The following TSC1 variants were observed in gnomAD, a reference collection of about 807,000 sequenced individuals.
TSC1 encodes the protein hamartin.
Under a neutral mutation model 124.3 loss-of-function variants are expected in TSC1, and 20 were observed. The observed-to-expected ratio is 0.16, with a 90% CI of 0.11 to 0.23. The LOEUF (loss-of-function observed/expected upper bound fraction) is 0.23. Among genes scored for constraint, TSC1 ranks in the 10% least tolerant of loss-of-function variants. TSC1 has a pLI of 1.00. For synonymous variants in TSC1, 493 were observed against 539.1 expected, an observed-to-expected ratio of 0.91 and a Z score of 1.19; for missense variants, 1,124 against 1,448.5, an observed-to-expected ratio of 0.78 and a Z score of 3.64.
At chr9:132,944,105 C>G (rs968215147) in intron 1 of TSC1, 1 of 153,818 alleles carries the variant, frequency 6.5e-6, no homozygotes, top group African/African-American at 2.4e-5. Flanking sequence ...TATACCCCGA[C>G]CCCTCTCTTT....
Position 132,910,641 on chromosome 9 carries a change from G to A in TSC1, c.1193C>T (p.Ala398Val), listed in dbSNP as rs918660416. The A allele has an allele frequency of 6.2e-7, 1 of 1,614,020 alleles. No homozygotes were observed. Among genetic ancestry groups the A allele is most frequent in the African/African-American group, 1.3e-5 (1 of 74,924 alleles). Residue 398 changes from alanine to valine, a missense_variant, in exon 12 of 23, where the codon GCC becomes GTC. This residue lies in a region of TSC1 where 463 missense variants were observed against 606.8 expected (regional missense o/e 0.76). Transcript: ENST00000298552. ...LGTPATSPPP[A>V]PLCHSDDYVH... ...GTAGTCATCCGAATGACAGAGTGGG[G>A]CTGGAGGAGGAGAGGTTGCTGGGGT...
In TSC1 at chr9:132,912,312, T is replaced by C. The variant is rs1588326679; in HGVS notation, c.883A>G (p.Ser295Gly). Residue 295 changes from serine (S) to glycine (G), a missense_variant, in exon 9 of 23, where the codon AGC becomes GGC. Coordinates refer to ENST00000298552, the MANE Select transcript of TSC1 (RefSeq NM_000368.5). Reference protein sequence around the residue: ...FPHRSADVTTSPYADTQNSYG... With the variant: ...FPHRSADVTTGPYADTQNSYG... ...CTATTCTGTGTGTCAGCATAAGGGC[T>C]GGTGGTGACATCGGCTGAACGATGA... 3.1e-6 allele frequency: 5 copies of C among 1,614,180 alleles called. No individual in the cohort carries two copies. In the East Asian group the frequency reaches 1.1e-4, roughly 36 times the overall value.
At chr9:132,911,283 G>A in intron 10 of TSC1, 170 bp from the exon 11 acceptor site, 1 of 806,182 alleles carries the variant, frequency 1.2e-6, no homozygotes. Context: ...AAGACTTCAA[G>A]ATGAATCTAA....
rs397514846 is a variant in TSC1, at chr9:132,905,819, T to C, written c.1759A>G (p.Lys587Glu). The C allele has an allele frequency of 6.2e-7, 1 of 1,614,212 alleles. No homozygotes were observed. The highest frequency in any genetic ancestry group is 8.5e-7 in the Non-Finnish European group (1 of 1,180,036). The part of the protein sequence containing the change: ...ETSIFTPSPC[K>E]IPPPTRVGFG... ...CCCACTCTCGTCGGAGGTGGAATTT[T>C]ACAAGGACTGGGAGTGAAGATACTG... The change falls in exon 15 of 23, where the codon AAA becomes GAA. Residue 587 changes from lysine (K) to glutamate (E), a missense_variant. By Grantham distance (56) the Lys-to-Glu change is moderately conservative (BLOSUM62 1). Around this residue, in one of 5 missense-constraint regions of TSC1, gnomAD observed 321 missense variants for 397.4 expected, o/e 0.81. Coordinates refer to ENST00000298552, the MANE Select transcript of TSC1 (RefSeq NM_000368.5).
intron 1 of TSC1, chr9:132,942,372 C>G (rs541664146): frequency 5.3e-5 from 8 of 152,332 alleles, no homozygotes; most frequent in African/African-American, 1.9e-4. Flanking sequence ...ATCTGTACAT[C>G]AAGGTTCTCA....
At chr9:132,942,566 C>T (rs1029094289) in intron 1 of TSC1, 3 of 152,194 alleles carry the variant, frequency 2.0e-5, no homozygotes, top group Admixed American at 2.0e-4. Flanking sequence ...TTACTCTTAA[C>T]CCAGTGAGGA....
Position 132,921,711 on chromosome 9 carries a change from T to C in TSC1, c.663+108A>G, listed in dbSNP as rs1846564319. ...GGATTGGAGTGGCGAGGAAGAAAAC[T>C]GAATTTCTTTTCAAAATTTCCCTGT... On this transcript the variant is annotated intron_variant, in intron 7 of 22. Transcript: ENST00000298552. The surrounding 1 kb of genome is among the most constrained non-coding windows in gnomAD (Gnocchi z 4.3). The C allele has an allele frequency of 1.4e-6, 2 of 1,464,478 alleles. No individual in the cohort carries two copies. Among genetic ancestry groups the C allele is most frequent in the African/African-American group, 1.4e-5 (1 of 71,970 alleles). 90.7% of individuals were successfully genotyped at this position (1,464,478 alleles called of 1,614,324 possible).
rs1288067331 is a variant in TSC1, at chr9:132,921,279, A to C, written c.737+84T>G. The C allele has an allele frequency of 7.0e-7, 1 of 1,429,734 alleles. No individual in the cohort carries two copies. Among genetic ancestry groups the C allele is most frequent in the Non-Finnish European group, 9.8e-7 (1 of 1,022,894 alleles). The allele number at this position is 1,429,734 out of a possible 1,614,324, so 88.6% of individuals were successfully genotyped here. On this transcript the variant is annotated intron_variant, in intron 8 of 22. Transcript: ENST00000298552. This position sits in a 1 kb window ranked among gnomAD's most constrained non-coding sequence, Gnocchi z 4.3. ...GTAAGTAGAACATCTATATTCCCAA[A>C]TATACCTCAACAGGGATTACCTCCT...
chr9:132,911,845 C>G (rs987736564), intron 9 of TSC1, among the ~76,000 whole-genome samples: 2 of 152,104 alleles, frequency 1.3e-5, no homozygotes. Context: ...ATACAGATGA[C>G]AACTTCAGTG....
intron 20 of TSC1, 55 bp downstream of exon 20, chr9:132,900,660 G>C (rs1486071463): frequency 1.2e-6 from 2 of 1,611,344 alleles, no homozygotes; most frequent in South Asian, 1.1e-5. Flanking sequence ...GAGACATACT[G>C]TCTGGGTCTG....
At chr9:132,898,236 A>G (rs1164909441) in intron 20 of TSC1, among the ~76,000 whole-genome samples, 2 of 152,220 alleles carry the variant, frequency 1.3e-5, no homozygotes, top group Non-Finnish European at 2.9e-5. Context: ...ATGCCCTGAC[A>G]AGGTTTGTTG....
At position 132,906,183 on chromosome 9, in the gene TSC1, C is replaced by A. The variant is rs2131853057; in HGVS notation, c.1439-44G>T. On this transcript the variant is annotated intron_variant, in intron 14 of 22. Transcript: ENST00000298552. The surrounding 1 kb of genome is among the most constrained non-coding windows in gnomAD (Gnocchi z 4.1). ...ACAAAAGAAATGGCAGTCGGTATTCCACCTGGGAAAGACTAGGCAGTTTGG... is the reference window on the plus strand; with the variant it reads ...ACAAAAGAAATGGCAGTCGGTATTCAACCTGGGAAAGACTAGGCAGTTTGG... 3 of 1,590,580 alleles carry A rather than the reference C, an allele frequency of 1.9e-6. No homozygotes were observed. The East Asian group carries it at 6.7e-5, about 36-fold the overall frequency.
intron 1 of TSC1, chr9:132,940,801 T>C (rs984708793): frequency 3.3e-5 from 5 of 152,210 alleles, no homozygotes; most frequent in Non-Finnish European, 7.3e-5. Context: ...GCTGGGTACA[T>C]AATGCTTAGC....
chr9:132,896,112 C>T lies in TSC1; in HGVS notation c.*123G>A, dbSNP rs1397282007. ...TTCAGTCAGCTGTCCAAAGGACCTC[C>T]GTCCCATTTCCACACATGAACTTGC... On this transcript the variant is annotated 3_prime_UTR_variant, in exon 23 of 23. Transcript: ENST00000298552. This position sits in a 1 kb window ranked among gnomAD's most constrained non-coding sequence, Gnocchi z 4.5. 1.0e-5 allele frequency: 15 copies of T among 1,438,472 alleles called. No homozygotes were observed. Among genetic ancestry groups the T allele is most frequent in the Non-Finnish European group, 2.9e-6 (3 of 1,033,104 alleles). The allele number at this position is 1,438,472 out of a possible 1,614,324, so 89.1% of individuals were successfully genotyped here.
At chr9:132,898,528 A>C (rs1588293167) in intron 20 of TSC1, among the ~76,000 whole-genome samples, 2 of 152,218 alleles carry the variant, frequency 1.3e-5, no homozygotes, top group Non-Finnish European at 1.5e-5. Flanking sequence ...CTTGTTATAG[A>C]ACGCAACTGA....
At position 132,923,477 on chromosome 9, in the gene TSC1, C is replaced by T. The variant is rs372215435; in HGVS notation, c.379G>A (p.Val127Ile). 75 of 1,614,088 alleles carry T rather than the reference C, an allele frequency of 4.6e-5. No individual in the cohort carries two copies. Among genetic ancestry groups the T allele is most frequent in the Non-Finnish European group, 5.8e-5 (68 of 1,179,978 alleles). Residue 127 changes from valine to isoleucine, a missense_variant, in exon 6 of 23, where the codon GTT becomes ATT. This residue lies in a region of TSC1 where 463 missense variants were observed against 606.8 expected (regional missense o/e 0.76). Transcript: ENST00000298552. The surrounding 1 kb of genome is among the most constrained non-coding windows in gnomAD (Gnocchi z 4.2). ...LKCLKMDTDVVVLTTGVLVLI... is the reference protein window; with the variant it reads ...LKCLKMDTDVIVLTTGVLVLI... ...ACCAAGACGCCTGTTGTGAGGACAA[C>T]GACGTCAGTGTCCATCTGCAGGAGA...
intron 20 of TSC1, chr9:132,899,690 A>G (rs935013566): frequency 9.9e-5 from 15 of 152,036 alleles, no homozygotes; most frequent in African/African-American, 3.4e-4. Flanking sequence ...GACTATCACA[A>G]CTCAGCTGCA....
In TSC1 at chr9:132,912,423, C is replaced by G. The variant is rs118203450; in HGVS notation, c.772G>C (p.Glu258Gln). 1.2e-6 allele frequency: 2 copies of G among 1,614,128 alleles called. No individual in the cohort carries two copies. The highest frequency in any genetic ancestry group is 2.2e-5 in the East Asian group (1 of 44,878). Residue 258 changes from glutamate (E) to glutamine (Q), a missense_variant, in exon 9 of 23, where the codon GAG (glutamate) becomes CAG (glutamine). By Grantham distance (29) the Glu-to-Gln change is conservative. Around this residue, in one of 5 missense-constraint regions of TSC1, gnomAD observed 463 missense variants for 606.8 expected, o/e 0.76. Transcript: ENST00000298552. ...KRLETHDVVI[E>Q]CAKISLDPTE... ...GGATCCAGAGAGATTTTGGCACACT[C>G]GATCACAACATCATGAGTTTCTAAT...
Position 132,903,560 on chromosome 9 carries a change from G to T in TSC1, c.2208+91C>A. 2 of 1,594,712 alleles carry T rather than the reference G, an allele frequency of 1.3e-6. No individual in the cohort carries two copies. The highest frequency in any genetic ancestry group is 2.2e-5 in the South Asian group (2 of 90,014). ...AGGAGTGGGAAGGACTGGGAACTCTGACCTCCTCGGCTGCTGTGCTTTATA... is the reference window on the plus strand; with the variant it reads ...AGGAGTGGGAAGGACTGGGAACTCTTACCTCCTCGGCTGCTGTGCTTTATA... On this transcript the variant is annotated intron_variant, in intron 17 of 22. Transcript: ENST00000298552. This position sits in a 1 kb window ranked among gnomAD's most constrained non-coding sequence, Gnocchi z 5.9.
Sources: gnomAD v4.1 joint callset for allele counts (sites outside exome capture counted in the v4.1 genomes callset) on GRCh38, gnomAD v4.1.1 for gene constraint, gnomAD v4.1.1 regional missense constraint, Gnocchi (gnomAD v3.1) non-coding constraint, MANE v1.5 for transcripts, NCBI Gene and HGNC (gene_info 2026-07-23, HGNC 2026-07-21) for gene names.